Variants in CUL3 observed in about 807,000 individuals in gnomAD.
CUL3 encodes the protein cullin 3, also known as cullin-3.
A neutral mutation model predicts 89.1 loss-of-function variants in CUL3; 19 were observed. The observed-to-expected ratio is 0.21, with a 90% CI of 0.15 to 0.31. The LOEUF (loss-of-function observed/expected upper bound fraction) is 0.31, where lower values mean the gene tolerates loss of function less well. CUL3 is among the 10% of genes least tolerant of loss of function. The pLI is 1.00. For synonymous variants in CUL3, 351 were observed against 308.4 expected (o/e 1.14, Z -1.45); for missense variants, 469 against 942.3 (o/e 0.50, Z 6.58).
intron 2 of CUL3, chr2:224,556,523 T>A (rs1256102214): frequency 6.6e-6 from 1 of 152,100 alleles, no homozygotes. Context: ...TCTTCAAATA[T>A]GTCAATGTGC....
chr2:224,506,770 A>G (rs1327278158), intron 7 of CUL3, 88 bp downstream of exon 7: 4 of 1,117,044 alleles, frequency 3.6e-6, no homozygotes, highest in Non-Finnish European at 5.1e-6. Flanking sequence ...TTGAAAGTAC[A>G]CAATACACAG....
At chr2:224,534,420 G>A (rs1693807391) in intron 3 of CUL3, among the ~76,000 whole-genome samples, 1 of 152,196 alleles carries the variant, frequency 6.6e-6, no homozygotes, top group Non-Finnish European at 1.5e-5. Flanking sequence ...ATAGATGGCA[G>A]CTATGAGTGT....
intron 2 of CUL3, among the ~76,000 whole-genome samples, chr2:224,554,741 T>C (rs1281462007): frequency 1.3e-5 from 2 of 152,208 alleles, no homozygotes; most frequent in African/African-American, 4.8e-5. Flanking sequence ...GTGTTAATTA[T>C]CATTCCCTAT....
At chr2:224,504,306 T>C (rs572164717) in intron 8 of CUL3, 1 of 152,364 alleles carries the variant, frequency 6.6e-6, no homozygotes, top group Non-Finnish European at 1.5e-5. Context: ...ACTTTATTTT[T>C]TTATTTCTAT....
chr2:224,496,804 T>C (rs1028840860), intron 12 of CUL3, among the ~76,000 whole-genome samples: 1 of 152,104 alleles, frequency 6.6e-6, no homozygotes, highest in Non-Finnish European at 1.5e-5. Context: ...ATAATTAACA[T>C]ATGCATATGT....
intron 13 of CUL3, among the ~76,000 whole-genome samples, chr2:224,487,519 T>C (rs1691778369): frequency 8.2e-6 from 1 of 122,082 alleles, no homozygotes. Context: ...GGGCATTACA[T>C]AATGGTAAAG....
In CUL3 at chr2:224,540,059, C is replaced by CTTTT. The variant is rs34875800; in HGVS notation, c.265-4422_265-4419dup. 6.4e-5 allele frequency among the ~76,000 whole-genome samples: 9 copies of CTTTT among 140,038 alleles called. No homozygotes were observed. In the South Asian group the frequency reaches 2.1e-3, roughly 32 times the overall value. 91.9% of individuals were successfully genotyped at this position (140,038 alleles called of 152,430 possible). A position where few individuals can be genotyped will look rare whatever the true frequency, so the allele number is the denominator to read the frequency against. ...AATCTTAGTACCTTCCATCCTCCACCTTTTTTTTTTTTTTTTAGATGGAGT... is the reference window on the plus strand; with the variant it reads ...AATCTTAGTACCTTCCATCCTCCACCTTTTTTTTTTTTTTTTTTTTAGATGGAGT... On this transcript the variant is annotated intron_variant, in intron 2 of 15. Coordinates refer to ENST00000264414, the MANE Select transcript of CUL3 (RefSeq NM_003590.5).
At chr2:224,530,698 G>A (rs1693665151) in intron 3 of CUL3, among the ~76,000 whole-genome samples, 1 of 152,184 alleles carries the variant, frequency 6.6e-6, no homozygotes, top group African/African-American at 2.4e-5. Flanking sequence ...CTTGAGCCCA[G>A]GAGTTCGAGA....
intron 1 of CUL3, among the ~76,000 whole-genome samples, chr2:224,565,998 T>C (rs968018462): frequency 6.6e-6 from 1 of 152,196 alleles, no homozygotes; most frequent in Admixed American, 6.5e-5. Context: ...TTCTCTTCCA[T>C]AGCAATGACA....
At chr2:224,532,710 T>C (rs1020214008) in intron 3 of CUL3, among the ~76,000 whole-genome samples, 14 of 152,136 alleles carry the variant, frequency 9.2e-5, no homozygotes, top group African/African-American at 3.4e-4. Context: ...CACCAGAGAA[T>C]TTAACAGAAT....
At chr2:224,535,913 G>C (rs1158728250) in intron 2 of CUL3, among the ~76,000 whole-genome samples, 1 of 152,146 alleles carries the variant, frequency 6.6e-6, no homozygotes, top group Non-Finnish European at 1.5e-5. Flanking sequence ...ATCATTGTCA[G>C]AGTAAAATCC....
At chr2:224,564,552 T>C (rs1285055989) in intron 1 of CUL3, among the ~76,000 whole-genome samples, 3 of 152,234 alleles carry the variant, frequency 2.0e-5, no homozygotes, top group Non-Finnish European at 2.9e-5. Flanking sequence ...TAATCTCTTA[T>C]TGTTTCTAAA....
In CUL3 at chr2:224,500,483, G is replaced by A. The variant is rs756292860; in HGVS notation, c.1490C>T (p.Ser497Phe). 6.8e-6 allele frequency: 11 copies of A among 1,613,734 alleles called. No individual in the cohort carries two copies. The South Asian group carries it at 7.7e-5, about 11-fold the overall frequency. The change falls in exon 11 of 16, where the codon TCT becomes TTT. Residue 497 changes from serine to phenylalanine, a missense_variant. By Grantham distance (155) the Ser-to-Phe change is radical. Around this residue, in one of 4 missense-constraint regions of CUL3, gnomAD observed 370 missense variants for 733.2 expected, o/e 0.50. Coordinates refer to ENST00000264414, the MANE Select transcript of CUL3 (RefSeq NM_003590.5). ...GACTGTAAGATCAACACCACCTAAA[G>A]ATACCTATGTAAAACAGAAAGAGAT... The part of the protein sequence containing the change: ...FRQHLQATGV[S>F]LGGVDLTVRV...
At chr2:224,484,328 C>G (rs1193360690) in intron 13 of CUL3, among the ~76,000 whole-genome samples, 1 of 152,048 alleles carries the variant, frequency 6.6e-6, no homozygotes, top group Non-Finnish European at 1.5e-5. Context: ...AATGAAATCT[C>G]ATTATTTTAA....
chr2:224,554,528 C>T (rs1694633437), intron 2 of CUL3, among the ~76,000 whole-genome samples: 1 of 152,278 alleles, frequency 6.6e-6, no homozygotes, highest in South Asian at 2.1e-4. Flanking sequence ...GCCACATTGC[C>T]TGAATTCAGT....
chr2:224,564,471 T>A (rs1694991571), intron 1 of CUL3, among the ~76,000 whole-genome samples: 1 of 152,234 alleles, frequency 6.6e-6, no homozygotes, highest in Non-Finnish European at 1.5e-5. Flanking sequence ...TACAAGATAT[T>A]TTGAGAGACC....
At chr2:224,537,810 T>TA (rs894239512) in intron 2 of CUL3, among the ~76,000 whole-genome samples, 1 of 152,166 alleles carries the variant, frequency 6.6e-6, no homozygotes, top group Non-Finnish European at 1.5e-5. Context: ...TTAACTACAT[T>TA]AAAATCACCC....
At position 224,518,420 on chromosome 2, in the gene CUL3, G is replaced by C. The variant is rs142916911; in HGVS notation, c.379-3648C>G. Reference sequence around the variant, plus strand: ...CCATTTTTTGTCTATTACAAATAAGGTGGCTATAAACATTTGGGTACAATA... The same window carrying C: ...CCATTTTTTGTCTATTACAAATAAGCTGGCTATAAACATTTGGGTACAATA... On this transcript the variant is annotated intron_variant, in intron 3 of 15. Transcript: ENST00000264414. 5.6e-4 allele frequency among the ~76,000 whole-genome samples: 85 copies of C among 152,224 alleles called. 1 individual carries two copies. In the East Asian group the frequency reaches 0.014, roughly 26 times the overall value.
chr2:224,489,927 AT>A (rs1442458122), intron 13 of CUL3, among the ~76,000 whole-genome samples: 1 of 152,368 alleles, frequency 6.6e-6, no homozygotes, highest in African/African-American at 2.4e-5. Flanking sequence ...AACCTACAGA[AT>A]GTGAAAAAAT....
Sources: allele counts gnomAD v4.1 joint callset (sites outside exome capture counted in the v4.1 genomes callset), GRCh38; gene constraint gnomAD v4.1.1; regional missense constraint gnomAD v4.1.1; transcripts MANE v1.5; gene names NCBI Gene and HGNC (gene_info 2026-07-23, HGNC 2026-07-21).